The following MAML2 variants were observed in gnomAD, a reference collection of about 807,000 sequenced individuals.
MAML2 encodes the protein mastermind-like protein 2.
In MAML2, 22 loss-of-function variants were observed where a neutral mutation model predicts 96.1. The ratio of observed to expected loss-of-function variants is 0.23; its 90% CI spans 0.16 to 0.33. The LOEUF is 0.33. Ranked by LOEUF, MAML2 falls within the 10% of genes least tolerant of loss-of-function variation. The pLI, the probability that MAML2 is intolerant of heterozygous loss-of-function variation, is 1.00. For missense variants in MAML2, 1,367 were observed against 1,392.4 expected (o/e 0.98, Z 0.29); for synonymous variants, 561 against 521.3 (o/e 1.08, Z -1.04).
At chr11:96,185,765 T>C (rs1861565329) in intron 1 of MAML2, among the ~76,000 whole-genome samples, 1 of 152,258 alleles carries the variant, frequency 6.6e-6, no homozygotes, top group African/African-American at 2.4e-5. Context: ...CTTTAGAACC[T>C]TGTGTATGCA....
chr11:96,041,927 G>A (rs930366986), intron 2 of MAML2, among the ~76,000 whole-genome samples: 1 of 150,998 alleles, frequency 6.6e-6, no homozygotes, highest in South Asian at 2.1e-4. Flanking sequence ...TCCTGCCTCA[G>A]CCTCTTGAGT....
Position 96,076,948 on chromosome 11 carries a change from G to A in MAML2, c.2139+14944C>T, listed in dbSNP as rs866719307. Among the ~76,000 whole-genome samples, 10 of 152,140 alleles carry A rather than the reference G, an allele frequency of 6.6e-5. No homozygotes were observed. The Middle Eastern group carries it at 0.01, about 155-fold the overall frequency. On this transcript the variant is annotated intron_variant, in intron 2 of 4. Coordinates refer to ENST00000524717, the MANE Select transcript of MAML2 (RefSeq NM_032427.4). ...CCATTTCAAGTGTTCAGAAAAATGA[G>A]AAACAATTTTACAATAGCAAAATTG... is the stretch of plus-strand genomic sequence containing the variant.
At chr11:96,106,980 CT>C (rs71040129) in intron 1 of MAML2, among the ~76,000 whole-genome samples, 14 of 90,294 alleles carry the variant, frequency 1.6e-4, no homozygotes, top group South Asian at 9.5e-4. Flanking sequence ...GAAAAGAGTC[CT>C]TTTTTTTTTT....
intron 1 of MAML2, among the ~76,000 whole-genome samples, chr11:96,161,311 G>A (rs1316608927): frequency 1.3e-5 from 2 of 152,214 alleles, no homozygotes; most frequent in Non-Finnish European, 2.9e-5. Flanking sequence ...GCATTTGAGG[G>A]AAAAGTTCCT....
At chr11:96,017,373 C>T (rs1480476754) in intron 2 of MAML2, among the ~76,000 whole-genome samples, 7 of 148,602 alleles carry the variant, frequency 4.7e-5, no homozygotes, top group Non-Finnish European at 1.0e-4. Context: ...CTCCCTCCCT[C>T]CCCACCTCTT....
At chr11:96,101,616 T>G (rs1830278985) in intron 1 of MAML2, among the ~76,000 whole-genome samples, 1 of 152,182 alleles carries the variant, frequency 6.6e-6, no homozygotes, top group African/African-American at 2.4e-5. Flanking sequence ...ACCCCATGTC[T>G]CAGGGTTTTA....
chr11:96,248,113 C>CTTTTTTT, intron 1 of MAML2, among the ~76,000 whole-genome samples: 1 of 132,250 alleles, frequency 7.6e-6, no homozygotes, highest in Admixed American at 7.7e-5. Context: ...TGTTTTTTTA[C>CTTTTTTT]TTTTTTTTTT....
intron 1 of MAML2, among the ~76,000 whole-genome samples, chr11:96,243,132 TAC>T (rs34352998): frequency 6.6e-6 from 1 of 151,460 alleles, no homozygotes; most frequent in East Asian, 1.9e-4. Context: ...CATTCTCTCT[TAC>T]ACACACACAC....
In MAML2 at chr11:96,121,950, C is replaced by CTTTTTTTTTTTT. The variant is rs71040130; in HGVS notation, c.514-28445_514-28434dup. Among the ~76,000 whole-genome samples the CTTTTTTTTTTTT allele has an allele frequency of 9.9e-4, 56 of 56,846 alleles. 1 individual carries two copies. The highest frequency in any genetic ancestry group is 1.3e-3 in the Non-Finnish European group (42 of 33,388). 37.3% of individuals were successfully genotyped at this position (56,846 alleles called of 152,430 possible). A position where few individuals can be genotyped will look rare whatever the true frequency, so the allele number is the denominator to read the frequency against. ...TACAGGCACCCGCCACCACGCCCGG[C>CTTTTTTTTTTTT]TTTTTTTTTTTTTTTTTTTTTTTTT... is the stretch of plus-strand genomic sequence containing the variant. On this transcript the variant is annotated intron_variant, in intron 1 of 4. Transcript: ENST00000524717.
At chr11:96,206,191 A>G (rs75935294) in intron 1 of MAML2, among the ~76,000 whole-genome samples, 3,716 of 152,272 alleles carry the variant, frequency 0.024, 69 homozygotes, top group Non-Finnish European at 0.039. Flanking sequence ...TATAGCTTAT[A>G]TGTTATCAAA....
intron 1 of MAML2, among the ~76,000 whole-genome samples, chr11:96,273,023 T>C (rs1034395180): frequency 2.0e-5 from 3 of 152,236 alleles, no homozygotes; most frequent in Admixed American, 1.3e-4. Context: ...GCCCCTACTA[T>C]ATGTGTTTCA....
chr11:96,049,161 A>T (rs1416440991), intron 2 of MAML2, among the ~76,000 whole-genome samples: 1 of 152,168 alleles, frequency 6.6e-6, no homozygotes, highest in African/African-American at 2.4e-5. Context: ...CTTTAAAAGG[A>T]CTTGGACAAG....
intron 2 of MAML2, among the ~76,000 whole-genome samples, chr11:96,009,613 A>G (rs906130580): frequency 6.6e-6 from 1 of 152,202 alleles, no homozygotes; most frequent in Non-Finnish European, 1.5e-5. Context: ...ACTCTACTGC[A>G]CTGCTCTTCA....
At chr11:96,319,832 C>T (rs1863678566) in intron 1 of MAML2, among the ~76,000 whole-genome samples, 1 of 152,160 alleles carries the variant, frequency 6.6e-6, no homozygotes, top group African/African-American at 2.4e-5. Context: ...AATATCATAA[C>T]CCATAAAACT....
intron 2 of MAML2, among the ~76,000 whole-genome samples, chr11:96,019,671 CT>C (rs1858405379): frequency 9.2e-6 from 1 of 108,444 alleles, no homozygotes; most frequent in African/African-American, 3.1e-5. Flanking sequence ...CAGCCAAGGG[CT>C]GATAATAATA....
intron 2 of MAML2, among the ~76,000 whole-genome samples, chr11:96,033,157 G>A (rs1858646551): frequency 6.6e-6 from 1 of 152,178 alleles, no homozygotes; most frequent in South Asian, 2.1e-4. Context: ...GAATGTGCTA[G>A]TGTAACCTCC....
chr11:95,997,879 G>A (rs568448506), intron 2 of MAML2, among the ~76,000 whole-genome samples: 1 of 152,082 alleles, frequency 6.6e-6, no homozygotes, highest in Non-Finnish European at 1.5e-5. Flanking sequence ...CTTTTACTCT[G>A]AGAATGTTTT....
At chr11:96,072,039 T>C (rs1364490913) in intron 2 of MAML2, among the ~76,000 whole-genome samples, 1 of 152,228 alleles carries the variant, frequency 6.6e-6, no homozygotes, top group Non-Finnish European at 1.5e-5. Flanking sequence ...AGGTGGGGCG[T>C]AAGATTTTAC....
intron 2 of MAML2, 114 bp from the exon 3 acceptor site, chr11:95,991,837 A>G (rs575028812): frequency 3.9e-6 from 3 of 762,514 alleles, no homozygotes; most frequent in South Asian, 3.5e-5. Flanking sequence ...AAGATCAAAC[A>G]TGGTTAAATG....
Sources: allele counts gnomAD v4.1 joint callset (sites outside exome capture counted in the v4.1 genomes callset), GRCh38; gene constraint gnomAD v4.1.1; transcripts MANE v1.5; gene names NCBI Gene and HGNC (gene_info 2026-07-23, HGNC 2026-07-21).